Variants in CDC23 observed in about 807,000 individuals in gnomAD.
The protein encoded by CDC23 is cell division cycle protein 23 homolog.
CDC23 carries 26 observed loss-of-function variants against 81.7 expected under a neutral mutation model. The observed-to-expected ratio is 0.32, with a 90% confidence interval of 0.23 to 0.44. The LOEUF is 0.44. CDC23 is among the 20% of genes least tolerant of loss of function. The probability of loss-of-function intolerance (pLI) is 1.00; values close to 1 mark genes in which losing one functional copy is unlikely to be tolerated. For missense variants in CDC23, 519 were observed against 728.0 expected (o/e 0.71, Z 3.30); for synonymous variants, 267 against 270.8 (o/e 0.99, Z 0.14).
chr5:138,189,163 G>T lies in CDC23; in HGVS notation c.1624-15C>A. On this transcript the variant is annotated splice_polypyrimidine_tract_variant and intron_variant, in intron 15 of 15. Transcript: ENST00000394886. ...TCTTCCCGGGTCTGCAACAAAGTCA[G>T]GGAAATGTTTCAAAACATGTCCAAA... is the stretch of plus-strand genomic sequence containing the variant. 1 of 1,610,054 alleles carries T rather than the reference G, an allele frequency of 6.2e-7. No individual in the cohort carries two copies. The highest frequency in any genetic ancestry group is 1.1e-5 in the South Asian group (1 of 90,606).
rs35119403 is a variant in CDC23 at position 138,189,036 on chromosome 5, G to A, written c.1736C>T (p.Ala579Val). The A allele has an allele frequency of 8.7e-6, 14 of 1,614,032 alleles. No individual in the cohort carries two copies. The African/African-American group carries it at 1.5e-4, about 17-fold the overall frequency. Reference protein sequence around the residue: ...APFFLPASLSANNTPTRRVSP... With the variant: ...APFFLPASLSVNNTPTRRVSP... The stretch of plus-strand genomic sequence containing the variant: ...AACTCTGCGTGTGGGGGTATTGTTA[G>A]CAGAGAGTGAAGCAGGTAGGAAAAA... The change falls in exon 16 of 16, where the codon GCT (alanine) becomes GTT (valine). Residue 579 changes from alanine to valine, a missense_variant. Physicochemically the swap from Ala to Val is moderately conservative, Grantham distance 64. Coordinates refer to ENST00000394886, the MANE Select transcript of CDC23 (RefSeq NM_004661.4).
chr5:138,189,106 G>A lies in CDC23; in HGVS notation c.1666C>T (p.Leu556Phe). The A allele has an allele frequency of 2.5e-6, 4 of 1,614,122 alleles. No homozygotes were observed. In the South Asian group the frequency reaches 4.4e-5, roughly 18 times the overall value. The change falls in exon 16 of 16, where the codon CTT (leucine) becomes TTT (phenylalanine). Residue 556 changes from leucine to phenylalanine, a missense_variant. Leu to Phe is a conservative substitution (Grantham distance 22). This residue lies in a region of CDC23 where 175 missense variants were observed against 337.8 expected (regional missense o/e 0.52). Transcript: ENST00000394886. The part of the protein sequence containing the change: ...GKALLRQILQ[L>F]RNQGETPTTE... ...GTAGGAGTCTCGCCTTGGTTCCGAA[G>A]CTGTAGGATTTGCCGGAGTAAGGCC...
At chr5:138,201,552 C>T in intron 4 of CDC23, 104 bp from the exon 5 acceptor site, 2 of 800,170 alleles carry the variant, frequency 2.5e-6, no homozygotes, top group Non-Finnish European at 3.8e-6. Flanking sequence ...TCGCTATGTT[C>T]CCTAGGCTGG....
Position 138,198,202 on chromosome 5 carries a change from T to C in CDC23, c.1009A>G (p.Ile337Val). The stretch of plus-strand genomic sequence containing the variant: ...AAAAAATGTAGTTAATTCTTACCAA[T>C]TACACAGCACGTTTCTACACGATAT... ...DKYRVETCCV[I>V]GNYYSLRSQH... Residue 337 changes from isoleucine to valine, a missense_variant, in exon 9 of 16, where the codon ATT (isoleucine) becomes GTT (valine). Around this residue, in one of 4 missense-constraint regions of CDC23, gnomAD observed 175 missense variants for 337.8 expected, o/e 0.52. Coordinates refer to ENST00000394886, the MANE Select transcript of CDC23 (RefSeq NM_004661.4). The C allele has an allele frequency of 1.2e-6, 2 of 1,606,600 alleles. No individual in the cohort carries two copies. Among genetic ancestry groups the C allele is most frequent in the Non-Finnish European group, 1.7e-6 (2 of 1,174,016 alleles).
chr5:138,190,647 G>C (rs13167919), intron 13 of CDC23, among the ~76,000 whole-genome samples: 148,193 of 152,082 alleles, frequency 0.97, 72,330 homozygotes, highest in Middle Eastern at 1. Context: ...CGCCTGTAAT[G>C]CCAGCTACTC....
In CDC23 at chr5:138,202,968, A is replaced by G. The variant is rs937839997; in HGVS notation, c.373-813T>C. ...GATGAGTTGCAAGGGAAATAACAGTAACTACACAGTGGAGAAAATGGATAA... is the reference window on the plus strand; with the variant it reads ...GATGAGTTGCAAGGGAAATAACAGTGACTACACAGTGGAGAAAATGGATAA... On this transcript the variant is annotated intron_variant, in intron 3 of 15. Transcript: ENST00000394886. 6.2e-4 allele frequency among the ~76,000 whole-genome samples: 94 copies of G among 152,370 alleles called. 2 individuals carry two copies. The highest frequency in any genetic ancestry group is 2.1e-3 in the African/African-American group (88 of 41,592).
chr5:138,191,388 T>C, intron 13 of CDC23, 86 bp downstream of exon 13: 3 of 1,059,784 alleles, frequency 2.8e-6, no homozygotes, highest in Non-Finnish European at 4.5e-6. Flanking sequence ...GAATGATGGG[T>C]GTATGGGAGG....
In CDC23 at chr5:138,213,076, C is replaced by A. The variant is rs368480151; in HGVS notation, c.162-13G>T. 1 of 1,614,048 alleles carries A rather than the reference C, an allele frequency of 6.2e-7. No individual in the cohort carries two copies. The highest frequency in any genetic ancestry group is 1.7e-5 in the Admixed American group (1 of 59,998). Reference sequence around the variant, plus strand: ...CAACTCCGCCGACCTGGAACACCCACACAAACTAGATCAGCTCGACAAGCC... The same window carrying A: ...CAACTCCGCCGACCTGGAACACCCAAACAAACTAGATCAGCTCGACAAGCC... On this transcript the variant is annotated splice_polypyrimidine_tract_variant and intron_variant, in intron 1 of 15. Coordinates refer to ENST00000394886, the MANE Select transcript of CDC23 (RefSeq NM_004661.4).
intron 9 of CDC23, among the ~76,000 whole-genome samples, chr5:138,194,532 TG>T (rs1377781340): frequency 1.3e-5 from 2 of 152,086 alleles, no homozygotes; most frequent in Non-Finnish European, 2.9e-5. Context: ...CAGTGGTTGC[TG>T]GGGGATGGGA....
At chr5:138,209,711 C>T (rs1295872242) in intron 2 of CDC23, among the ~76,000 whole-genome samples, 1 of 150,574 alleles carries the variant, frequency 6.6e-6, no homozygotes, top group African/African-American at 2.4e-5. Context: ...GTAATCCCGG[C>T]TATTCGGGAG....
intron 6 of CDC23, 65 bp downstream of exon 6, chr5:138,201,042 A>G: frequency 6.3e-7 from 1 of 1,575,540 alleles, no homozygotes; most frequent in Non-Finnish European, 8.6e-7. Flanking sequence ...CCCCACCCCT[A>G]TATTACTACA....
chr5:138,212,382 G>A (rs1302249269), intron 2 of CDC23, among the ~76,000 whole-genome samples: 1 of 152,154 alleles, frequency 6.6e-6, no homozygotes, highest in Non-Finnish European at 1.5e-5. Flanking sequence ...GCAATGGCGC[G>A]ATCTCAGCTC....
chr5:138,192,215 A>G, intron 11 of CDC23, 54 bp downstream of exon 11: 2 of 1,603,770 alleles, frequency 1.2e-6, no homozygotes, highest in South Asian at 1.1e-5. Context: ...AAAGAGGAAA[A>G]AAAAGTTATT....
In CDC23 at chr5:138,188,946, G is replaced by T. The variant is rs767023065; in HGVS notation, c.*32C>A. 6.8e-6 allele frequency: 11 copies of T among 1,606,188 alleles called. No individual in the cohort carries two copies. The highest frequency in any genetic ancestry group is 5.4e-5 in the African/African-American group (4 of 74,762). On this transcript the variant is annotated 3_prime_UTR_variant, in exon 16 of 16. Coordinates refer to ENST00000394886, the MANE Select transcript of CDC23 (RefSeq NM_004661.4). Reference sequence around the variant, plus strand: ...TGGAGGTAAGGCTTAATTAAGATGGGTCTAACAATGTGCTGGCTTGAGAGT... The same window carrying T: ...TGGAGGTAAGGCTTAATTAAGATGGTTCTAACAATGTGCTGGCTTGAGAGT...
At chr5:138,202,223 C>T in intron 3 of CDC23, 68 bp from the exon 4 acceptor site, 5 of 1,192,678 alleles carry the variant, frequency 4.2e-6, no homozygotes, top group Non-Finnish European at 6.1e-6. Context: ...AAACTAGCAT[C>T]CTGATCCTAC....
In CDC23 at chr5:138,192,285, G is replaced by A. The variant is rs746178873; in HGVS notation, c.1270C>T (p.Arg424Trp). ...MPFYCLYYYR[R>W]AHQLRPNDSR... ...CAGGCTTACCGAAGCTGGTGGGCCC[G>A]TCTATAATAATAAAGGCAGTAAAAT... Residue 424 changes from arginine (R) to tryptophan (W), a missense_variant, in exon 11 of 16, where the codon CGG (arginine) becomes TGG (tryptophan). By Grantham distance (101) the Arg-to-Trp change is moderately radical (BLOSUM62 -3). This residue lies in a region of CDC23 where 175 missense variants were observed against 337.8 expected (regional missense o/e 0.52). Transcript: ENST00000394886. 8 of 1,614,096 alleles carry A rather than the reference G, an allele frequency of 5.0e-6. No individual in the cohort carries two copies. The highest frequency in any genetic ancestry group is 1.7e-5 in the Admixed American group (1 of 60,004).
Position 138,187,838 on chromosome 5 carries a change from G to A in CDC23, c.*1140C>T, listed in dbSNP as rs17228547. On this transcript the variant is annotated 3_prime_UTR_variant, in exon 16 of 16. Coordinates refer to ENST00000394886, the MANE Select transcript of CDC23 (RefSeq NM_004661.4). ...GCTTAGTAACAAATGAATTCAAGTC[G>A]TATTAGATATTCTAAACCTTCCTTA... 564 of 164,476 alleles carry A rather than the reference G, an allele frequency of 3.4e-3. 1 individual carries two copies. Among genetic ancestry groups the A allele is most frequent in the African/African-American group, 0.013 (526 of 41,564 alleles). The allele number at this position is 164,476 out of a possible 1,614,324, so 10.2% of individuals were successfully genotyped here.
In CDC23 at chr5:138,201,171, T is replaced by C; in HGVS notation, c.590A>G (p.His197Arg). 6.2e-7 allele frequency: 1 copy of C among 1,614,192 alleles called. No individual in the cohort carries two copies. Among genetic ancestry groups the C allele is most frequent in the Non-Finnish European group, 8.5e-7 (1 of 1,180,036 alleles). Residue 197 changes from histidine to arginine, a missense_variant, in exon 6 of 16, where the codon CAT becomes CGT. This residue lies in a region of CDC23 where 180 missense variants were observed against 239.3 expected (regional missense o/e 0.75). Coordinates refer to ENST00000394886, the MANE Select transcript of CDC23 (RefSeq NM_004661.4). ...GGCTCCCCAATGCAAGGGCAAAACATGAGTAGCTTCCACAAACACATCAAT... is the reference window on the plus strand; with the variant it reads ...GGCTCCCCAATGCAAGGGCAAAACACGAGTAGCTTCCACAAACACATCAAT... ...EAIDVFVEAT[H>R]VLPLHWGAWL...
Position 138,191,832 on chromosome 5 carries a change from T to C in CDC23, c.1362+30A>G, listed in dbSNP as rs745476402. ...CTTCATCTAAACAGCAGATTTCCAC[T>C]CAAATTCTTCAGGACCCAATTTAAG... On this transcript the variant is annotated intron_variant, in intron 12 of 15. Transcript: ENST00000394886. 9.6e-6 allele frequency: 15 copies of C among 1,566,926 alleles called. No homozygotes were observed. The East Asian group carries it at 3.4e-4, about 35-fold the overall frequency.
Sources: allele counts gnomAD v4.1 joint callset (sites outside exome capture counted in the v4.1 genomes callset), GRCh38; gene constraint gnomAD v4.1.1; regional missense constraint gnomAD v4.1.1; transcripts MANE v1.5; gene names NCBI Gene and HGNC (gene_info 2026-07-23, HGNC 2026-07-21).